The following RPGRIP1 variants were observed in gnomAD, a reference collection of about 807,000 sequenced individuals.
The protein encoded by RPGRIP1 is RPGR interacting protein 1.
In RPGRIP1, 128 loss-of-function variants were observed where a neutral mutation model predicts 157.9. That is an observed-to-expected ratio of 0.81 (90% confidence interval 0.70 to 0.94). The LOEUF (loss-of-function observed/expected upper bound fraction) is 0.94, where lower values mean the gene tolerates loss of function less well. Among genes scored for constraint, RPGRIP1 ranks in the 40% least tolerant of loss-of-function variants. The pLI is 0.00. For missense variants in RPGRIP1, 1,486 were observed against 1,545.8 expected, an observed-to-expected ratio of 0.96 and a Z score of 0.65; for synonymous variants, 554 against 571.6, an observed-to-expected ratio of 0.97 and a Z score of 0.44.
chr14:21,308,343 G>A (rs915135446), intron 7 of RPGRIP1, among the ~76,000 whole-genome samples: 1 of 152,108 alleles, frequency 6.6e-6, no homozygotes, highest in African/African-American at 2.4e-5. Context: ...GAGTATCAAG[G>A]GTCAAAGTAA....
At chr14:21,288,145 T>C (rs1316702850) in intron 2 of RPGRIP1, 84 bp downstream of exon 2, 1 of 873,624 alleles carries the variant, frequency 1.1e-6, no homozygotes, top group Non-Finnish European at 1.9e-6. Context: ...TCACAGAGAC[T>C]GATTTACTTT....
intron 7 of RPGRIP1, among the ~76,000 whole-genome samples, chr14:21,308,780 T>C (rs1881425533): frequency 6.6e-6 from 1 of 152,200 alleles, no homozygotes; most frequent in Admixed American, 6.5e-5. Context: ...GAAAAGTGGC[T>C]GCTTATATGA....
At chr14:21,314,150 G>A (rs937835513) in intron 10 of RPGRIP1, among the ~76,000 whole-genome samples, 2 of 151,864 alleles carry the variant, frequency 1.3e-5, no homozygotes, top group Non-Finnish European at 2.9e-5. Context: ...GTTTTGCCAT[G>A]TTGCCCAGGC....
At chr14:21,283,500 G>A (rs967217119) in intron 1 of RPGRIP1, among the ~76,000 whole-genome samples, 9 of 151,662 alleles carry the variant, frequency 5.9e-5, no homozygotes, top group Admixed American at 2.6e-4. Context: ...ATGGGGTTTC[G>A]CCATGTTAGC....
At position 21,315,800 on chromosome 14, in the gene RPGRIP1, A is replaced by AT. The variant is rs1296019158; in HGVS notation, c.1152-1894dup. Among the ~76,000 whole-genome samples the AT allele has an allele frequency of 2.4e-3, 342 of 143,890 alleles. 2 individuals are homozygous for AT. Among genetic ancestry groups the AT allele is most frequent in the Middle Eastern group, 0.011 (3 of 266 alleles). 94.4% of individuals were successfully genotyped at this position (143,890 alleles called of 152,430 possible). ...GCCTAAGTAGGTTATTATTATTATTATTATTATTTTTTTTTTGAGGCAGAG... is the reference window on the plus strand; with the variant it reads ...GCCTAAGTAGGTTATTATTATTATTATTTATTATTTTTTTTTTGAGGCAGAG... On this transcript the variant is annotated intron_variant, in intron 10 of 24. Transcript: ENST00000400017.
intron 1 of RPGRIP1, among the ~76,000 whole-genome samples, chr14:21,282,156 C>T (rs956501902): frequency 1.3e-5 from 2 of 152,170 alleles, no homozygotes; most frequent in African/African-American, 4.8e-5. Flanking sequence ...ATACGTCTAT[C>T]CATCTATCAC....
At chr14:21,318,272 AT>A (rs11311303) in intron 11 of RPGRIP1, 156,588 of 316,234 alleles carry the variant, frequency 0.5, 21,075 homozygotes, top group East Asian at 0.52. Context: ...ACGCCTGGCT[AT>A]TTTTTTTTTT....
At chr14:21,330,960 A>G (rs756397582) in intron 20 of RPGRIP1, among the ~76,000 whole-genome samples, 1 of 151,786 alleles carries the variant, frequency 6.6e-6, no homozygotes, top group Non-Finnish European at 1.5e-5. Flanking sequence ...CCCAGGCTGG[A>G]GTGCAATGGC....
chr14:21,281,254 T>G lies in RPGRIP1; in HGVS notation c.-39+1095T>G, dbSNP rs544809900. Among the ~76,000 whole-genome samples the G allele has an allele frequency of 1.8e-3, 277 of 152,160 alleles. 1 individual carries two copies. The highest frequency in any genetic ancestry group is 6.5e-3 in the African/African-American group (270 of 41,540). ...GGCCAGGATGGTCTTGATCTCTTGATCTTGTGATCTGCCCGCCTTGGCCTC... is the reference window on the plus strand; with the variant it reads ...GGCCAGGATGGTCTTGATCTCTTGAGCTTGTGATCTGCCCGCCTTGGCCTC... On this transcript the variant is annotated intron_variant, in intron 1 of 24. Transcript: ENST00000400017.
At chr14:21,301,799 G>A (rs570803042) in intron 4 of RPGRIP1, among the ~76,000 whole-genome samples, 2 of 151,292 alleles carry the variant, frequency 1.3e-5, no homozygotes, top group South Asian at 4.2e-4. Context: ...GATCGCTTGA[G>A]CCTGGGAGGC....
At chr14:21,315,981 T>G (rs902596493) in intron 10 of RPGRIP1, among the ~76,000 whole-genome samples, 10 of 147,836 alleles carry the variant, frequency 6.8e-5, no homozygotes, top group East Asian at 5.9e-4. Context: ...GTGGTTTTTT[T>G]TTTTTTTTTT....
At position 21,317,703 on chromosome 14, in the gene RPGRIP1, G is replaced by T. The variant is rs1256186554; in HGVS notation, c.1159G>T (p.Asp387Tyr). 6.3e-7 allele frequency: 1 copy of T among 1,583,908 alleles called. No homozygotes were observed. The highest frequency in any genetic ancestry group is 1.8e-5 in the Admixed American group (1 of 54,940). ...CTTGCTTTCCATTGCCAGCATGCTG[G>T]ACAGCAGTGACAGCTCCAGTCAGCC... ...NYDKLLESML[D>Y]SSDSSSQPHW... The change falls in exon 11 of 25, where the codon GAC becomes TAC. Residue 387 changes from aspartate to tyrosine, a missense_variant. Coordinates refer to ENST00000400017, the MANE Select transcript of RPGRIP1 (RefSeq NM_020366.4).
intron 2 of RPGRIP1, 150 bp from the exon 3 acceptor site, chr14:21,294,527 C>G (rs1186200921): frequency 1.3e-6 from 1 of 751,954 alleles, no homozygotes; most frequent in Non-Finnish European, 2.1e-6. Context: ...TGCGCCTGGC[C>G]CAGAGTCATT....
chr14:21,324,142 G>T, intron 14 of RPGRIP1: 1 of 196,994 alleles, frequency 5.1e-6, no homozygotes, highest in South Asian at 9.0e-5. Flanking sequence ...GACTGACCTG[G>T]CTAGAGAAGG....
chr14:21,290,079 A>G (rs1300363324), intron 2 of RPGRIP1, among the ~76,000 whole-genome samples: 2 of 150,148 alleles, frequency 1.3e-5, no homozygotes, highest in Non-Finnish European at 3.0e-5. Context: ...CTGGTCTCCA[A>G]CTCCTGGCTT....
intron 10 of RPGRIP1, among the ~76,000 whole-genome samples, chr14:21,316,397 C>T (rs1881811203): frequency 6.6e-6 from 1 of 151,964 alleles, no homozygotes; most frequent in Non-Finnish European, 1.5e-5. Flanking sequence ...CAGGTGGGAA[C>T]CATCCAGCCT....
At chr14:21,338,080 C>G (rs1341489588) in intron 21 of RPGRIP1, among the ~76,000 whole-genome samples, 3 of 152,068 alleles carry the variant, frequency 2.0e-5, no homozygotes, top group Non-Finnish European at 2.9e-5. Flanking sequence ...CCATGCCTGG[C>G]TAATTTTTTG....
rs1880359927 is a variant in RPGRIP1, at chr14:21,288,003, A to G, written c.27A>G (p.Ser9=). 1 of 1,613,436 alleles carries G rather than the reference A, an allele frequency of 6.2e-7. No individual in the cohort carries two copies. The highest frequency in any genetic ancestry group is 1.1e-5 in the South Asian group (1 of 91,076). Residue 9 remains serine (S), a synonymous_variant, in exon 2 of 25, where the codon TCA becomes TCG. Transcript: ENST00000400017. The part of the protein sequence containing the change: MSHLVDPT[S]GDLPVRDIDA... ...TGTCACATCTGGTGGACCCTACATC[A>G]GGAGACTTGCCAGTTAGAGACATAG...
intron 13 of RPGRIP1, 35 bp from the exon 14 acceptor site, chr14:21,321,819 T>G: frequency 1.3e-6 from 2 of 1,599,764 alleles, no homozygotes; most frequent in Non-Finnish European, 1.7e-6. Flanking sequence ...TTTAGGCCAC[T>G]GAGATAGAAA....
Sources: gnomAD v4.1 joint callset for allele counts (sites outside exome capture counted in the v4.1 genomes callset) on GRCh38, gnomAD v4.1.1 for gene constraint, MANE v1.5 for transcripts, NCBI Gene and HGNC (gene_info 2026-07-23, HGNC 2026-07-21) for gene names.